Variants in CACNA2D1 observed in about 807,000 individuals in gnomAD.
The protein encoded by CACNA2D1 is voltage-dependent calcium channel subunit alpha-2/delta-1.
In CACNA2D1, 53 loss-of-function variants were observed where a neutral mutation model predicts 171.5. That is an observed-to-expected ratio of 0.31 (90% CI 0.25 to 0.39). The LOEUF is 0.39. Ranked by LOEUF, CACNA2D1 falls within the 10% of genes least tolerant of loss-of-function variation. CACNA2D1 has a pLI of 1.00. For missense variants in CACNA2D1, 903 were observed against 1,299.8 expected (o/e 0.69, Z 4.69); for synonymous variants, 442 against 443.1 (o/e 1.00, Z 0.03).
intron 1 of CACNA2D1, among the ~76,000 whole-genome samples, chr7:82,392,110 T>C (rs201461028): frequency 6.6e-6 from 1 of 152,204 alleles, no homozygotes; most frequent in East Asian, 1.9e-4. Flanking sequence ...TCTTCCCATG[T>C]GGCACACTTT....
At chr7:81,970,857 CACAACTATGT>C in intron 26 of CACNA2D1, 120 bp from the exon 27 acceptor site, 4 of 721,286 alleles carry the variant, frequency 5.5e-6, no homozygotes, top group Non-Finnish European at 1.0e-5. Context: ...TCAATAGATA[CACAACTATGT>C]TTTAATAATT....
intron 18 of CACNA2D1, among the ~76,000 whole-genome samples, chr7:81,998,573 G>T (rs140111436): frequency 4.7e-4 from 72 of 151,976 alleles, no homozygotes; most frequent in African/African-American, 1.7e-3. Flanking sequence ...GAAAATTTTT[G>T]ATTCCTATGG....
At chr7:82,315,457 T>G (rs1254208097) in intron 3 of CACNA2D1, among the ~76,000 whole-genome samples, 2 of 152,044 alleles carry the variant, frequency 1.3e-5, no homozygotes, top group Non-Finnish European at 2.9e-5. Context: ...TAAAAACAAG[T>G]TTTTCAGTCA....
At chr7:82,426,144 TAAATAAA>T (rs1453665002) in intron 1 of CACNA2D1, among the ~76,000 whole-genome samples, 2 of 64,344 alleles carry the variant, frequency 3.1e-5, no homozygotes, top group Non-Finnish European at 6.3e-5. Context: ...AATATATAAA[TAAATAAA>T]TAAATAAATA....
At chr7:82,224,313 C>T (rs371966474) in intron 3 of CACNA2D1, among the ~76,000 whole-genome samples, 3 of 152,128 alleles carry the variant, frequency 2.0e-5, no homozygotes, top group East Asian at 1.9e-4. Context: ...TTTGGCCGGG[C>T]GCAGTGGCTC....
chr7:82,224,561 A>G (rs563417219), intron 3 of CACNA2D1, among the ~76,000 whole-genome samples: 73 of 152,112 alleles, frequency 4.8e-4, no homozygotes, highest in African/African-American at 1.7e-3. Context: ...CCAGCCTGGC[A>G]ACACAGCGAG....
intron 3 of CACNA2D1, among the ~76,000 whole-genome samples, chr7:82,334,795 G>C (rs910063267): frequency 6.6e-6 from 1 of 152,024 alleles, no homozygotes; most frequent in Non-Finnish European, 1.5e-5. Flanking sequence ...TGGGTTTTAT[G>C]TTGTGTAAAC....
chr7:82,086,593 A>G lies in CACNA2D1; in HGVS notation c.527-1693T>C, dbSNP rs113146300. On this transcript the variant is annotated intron_variant, in intron 6 of 38. Coordinates refer to ENST00000356860, the MANE Select transcript of CACNA2D1 (RefSeq NM_000722.4). The stretch of plus-strand genomic sequence containing the variant: ...TATTCATGAATATTTATATCAATAT[A>G]CAAAATAGCATAGAAAGAGGAACAT... Among the ~76,000 whole-genome samples, 124 of 152,310 alleles carry G rather than the reference A, an allele frequency of 8.1e-4. 1 individual carries two copies. Among genetic ancestry groups the G allele is most frequent in the African/African-American group, 2.6e-3 (110 of 41,592 alleles).
intron 13 of CACNA2D1, among the ~76,000 whole-genome samples, chr7:82,014,004 T>C (rs1427868269): frequency 2.6e-5 from 4 of 152,032 alleles, no homozygotes; most frequent in Admixed American, 2.0e-4. Flanking sequence ...TCCTGGAATG[T>C]ATAAGGTAAT....
At chr7:82,442,083 C>T (rs1169600971) in intron 1 of CACNA2D1, among the ~76,000 whole-genome samples, 2 of 152,288 alleles carry the variant, frequency 1.3e-5, no homozygotes, top group Admixed American at 6.5e-5. Context: ...ATTACTGTAA[C>T]TCAATGACAA....
intron 14 of CACNA2D1, among the ~76,000 whole-genome samples, chr7:82,012,782 C>CT (rs1799952397): frequency 6.6e-6 from 1 of 152,084 alleles, no homozygotes; most frequent in Non-Finnish European, 1.5e-5. Context: ...TCAGTATTCA[C>CT]GTCCACAAAT....
At chr7:82,361,288 GT>G in intron 1 of CACNA2D1, among the ~76,000 whole-genome samples, 1 of 152,206 alleles carries the variant, frequency 6.6e-6, no homozygotes, top group South Asian at 2.1e-4. Flanking sequence ...TTACCAAACT[GT>G]TTTTCACCAT....
chr7:82,115,944 G>T (rs1788991169), intron 6 of CACNA2D1, among the ~76,000 whole-genome samples: 1 of 152,236 alleles, frequency 6.6e-6, no homozygotes, highest in Non-Finnish European at 1.5e-5. Flanking sequence ...TTTTACAGAT[G>T]AGAAAATGCC....
rs550309578 is a variant in CACNA2D1, at chr7:82,063,699, AT to A, written c.779+604del. Among the ~76,000 whole-genome samples, 827 of 152,196 alleles carry A rather than the reference AT, an allele frequency of 5.4e-3. 4 individuals carry two copies. The highest frequency in any genetic ancestry group is 8.2e-3 in the Non-Finnish European group (558 of 67,988). ...TAAAAAAGTAAATCTCCATAGCAGG[AT>A]ATAATCTTTTCAATTTCTACATCTT... On this transcript the variant is annotated intron_variant, in intron 9 of 38. Coordinates refer to ENST00000356860, the MANE Select transcript of CACNA2D1 (RefSeq NM_000722.4).
intron 3 of CACNA2D1, among the ~76,000 whole-genome samples, chr7:82,199,952 T>C (rs1799244716): frequency 1.3e-5 from 2 of 152,054 alleles, no homozygotes; most frequent in Admixed American, 1.3e-4. Flanking sequence ...GTATGATGCA[T>C]TGTGAAAGAA....
In CACNA2D1 at chr7:81,962,426, G is replaced by C; in HGVS notation, c.2836+14C>G. The C allele has an allele frequency of 6.3e-7, 1 of 1,591,090 alleles. No individual in the cohort carries two copies. Among genetic ancestry groups the C allele is most frequent in the Non-Finnish European group, 8.6e-7 (1 of 1,162,452 alleles). On this transcript the variant is annotated intron_variant, in intron 35 of 38. Coordinates refer to ENST00000356860, the MANE Select transcript of CACNA2D1 (RefSeq NM_000722.4). The stretch of plus-strand genomic sequence containing the variant: ...TATTGTTATGGCAATGACAAGGTCT[G>C]AGCATTTACATACCTGCCTCAAGGA...
At chr7:82,036,345 T>A (rs1431372727) in intron 11 of CACNA2D1, among the ~76,000 whole-genome samples, 4 of 152,224 alleles carry the variant, frequency 2.6e-5, no homozygotes, top group Non-Finnish European at 5.9e-5. Flanking sequence ...CAAGTTCCTA[T>A]ATTGCTCATG....
At chr7:82,066,636 C>G in intron 7 of CACNA2D1, 112 bp from the exon 8 acceptor site, 1 of 1,412,014 alleles carries the variant, frequency 7.1e-7, no homozygotes, top group Non-Finnish European at 9.4e-7. Flanking sequence ...CACTTACGTA[C>G]TTCAATGTTC....
chr7:82,221,919 G>A (rs1254361891), intron 3 of CACNA2D1, among the ~76,000 whole-genome samples: 1 of 151,534 alleles, frequency 6.6e-6, no homozygotes. Context: ...AAACTGAGCA[G>A]CTTTTGTGAC....
Sources: allele counts gnomAD v4.1 joint callset (sites outside exome capture counted in the v4.1 genomes callset), GRCh38; gene constraint gnomAD v4.1.1; transcripts MANE v1.5; gene names NCBI Gene and HGNC (gene_info 2026-07-23, HGNC 2026-07-21).